GRIK4: variants seen among roughly 807,000 people sequenced by gnomAD.
GRIK4 encodes glutamate receptor ionotropic, kainate 4.
In GRIK4, 40 loss-of-function variants were observed where a neutral mutation model predicts 104.9. The observed-to-expected ratio is 0.38, with a 90% confidence interval of 0.30 to 0.50. The LOEUF (loss-of-function observed/expected upper bound fraction) is 0.50, where lower values mean the gene tolerates loss of function less well. GRIK4 is among the 20% of genes least tolerant of loss of function. The pLI, the probability that GRIK4 is intolerant of heterozygous loss-of-function variation, is 0.93. For synonymous variants in GRIK4, 485 were observed against 524.9 expected, an observed-to-expected ratio of 0.92 and a Z score of 1.04; for missense variants, 1,047 against 1,308.1, an observed-to-expected ratio of 0.80 and a Z score of 3.08.
chr11:120,593,706 C>T (rs1261544824), intron 1 of GRIK4, among the ~76,000 whole-genome samples: 3 of 152,184 alleles, frequency 2.0e-5, no homozygotes, highest in Non-Finnish European at 4.4e-5. Context: ...TCTAGCAGTT[C>T]CATCTATCTA....
intron 3 of GRIK4, among the ~76,000 whole-genome samples, chr11:120,725,517 G>A (rs561876057): frequency 1.3e-5 from 2 of 152,274 alleles, no homozygotes; most frequent in South Asian, 4.1e-4. Flanking sequence ...TTATACAGCA[G>A]GGAAGAAATG....
intron 1 of GRIK4, among the ~76,000 whole-genome samples, chr11:120,521,259 G>T (rs144646388): frequency 3.9e-5 from 6 of 152,012 alleles, no homozygotes; most frequent in Non-Finnish European, 7.4e-5. Flanking sequence ...TTTTTGTGGA[G>T]ATGGAGTCTC....
rs148183273 is a variant in GRIK4, at chr11:120,514,555, C to T, written c.-159+2668C>T. On this transcript the variant is annotated intron_variant, in intron 1 of 20. Transcript: ENST00000527524. ...TGCCTGTTCCTCAGTTCATCCCCTT[C>T]GCCCTCTCCAGTGATGGCTCACCGT... Among the ~76,000 whole-genome samples, 668 of 152,294 alleles carry T rather than the reference C, an allele frequency of 4.4e-3. 7 individuals carry two copies. The highest frequency in any genetic ancestry group is 0.014 in the African/African-American group (600 of 41,550).
At chr11:120,784,971 T>C (rs1366705384) in intron 3 of GRIK4, among the ~76,000 whole-genome samples, 1 of 152,152 alleles carries the variant, frequency 6.6e-6, no homozygotes, top group Non-Finnish European at 1.5e-5. Context: ...ATGAAGCTGA[T>C]CTGGGCTAGG....
chr11:120,775,199 C>CT (rs564709624), intron 3 of GRIK4, among the ~76,000 whole-genome samples: 1,567 of 152,310 alleles, frequency 0.01, 36 homozygotes, highest in African/African-American at 0.035. Flanking sequence ...TGCCTCTGGT[C>CT]TGCTGGCAAG....
At chr11:120,816,067 C>T (rs1952949752) in intron 5 of GRIK4, among the ~76,000 whole-genome samples, 1 of 152,106 alleles carries the variant, frequency 6.6e-6, no homozygotes, top group African/African-American at 2.4e-5. Context: ...GGAGGCTCTC[C>T]AGTTTCAAAG....
At chr11:120,931,796 C>T (rs747355310) in intron 13 of GRIK4, among the ~76,000 whole-genome samples, 40 of 152,180 alleles carry the variant, frequency 2.6e-4, no homozygotes, top group Admixed American at 2.0e-4. Context: ...AGGACATTCA[C>T]TGTAGAAAAT....
chr11:120,802,274 TC>T (rs1952634588), intron 3 of GRIK4, among the ~76,000 whole-genome samples: 1 of 152,114 alleles, frequency 6.6e-6, no homozygotes, highest in African/African-American at 2.4e-5. Context: ...CCTTTAACCC[TC>T]TCTCACCTCA....
At position 120,939,343 on chromosome 11, in the gene GRIK4, C is replaced by T. The variant is rs1172310414; in HGVS notation, c.1477-1004C>T. On this transcript the variant is annotated intron_variant, in intron 13 of 20. Coordinates refer to ENST00000527524, the MANE Select transcript of GRIK4 (RefSeq NM_014619.5). The surrounding 1 kb of genome is among the most constrained non-coding windows in gnomAD (Gnocchi z 5.6). The stretch of plus-strand genomic sequence containing the variant: ...TGGAGGCAAGGGGAAAGGAAGGAAG[C>T]CTTTATTGAACAAATGCTGGTTGTT... Among the ~76,000 whole-genome samples the T allele has an allele frequency of 6.6e-6, 1 of 152,158 alleles. No individual in the cohort carries two copies. The highest frequency in any genetic ancestry group is 1.9e-4 in the East Asian group (1 of 5,190).
chr11:120,806,961 T>C (rs970899058), intron 4 of GRIK4, among the ~76,000 whole-genome samples: 14 of 152,126 alleles, frequency 9.2e-5, no homozygotes, highest in Admixed American at 7.2e-4. Flanking sequence ...TTTCATATAA[T>C]GGGTTTATTT....
intron 13 of GRIK4, among the ~76,000 whole-genome samples, chr11:120,915,049 G>A (rs143281767): frequency 1.4e-3 from 220 of 152,260 alleles, no homozygotes; most frequent in African/African-American, 5.0e-3. Flanking sequence ...GGTTAAGGTC[G>A]TCCTGCTTCT....
intron 11 of GRIK4, among the ~76,000 whole-genome samples, chr11:120,892,743 G>A (rs908131211): frequency 1.3e-5 from 2 of 152,208 alleles, no homozygotes; most frequent in Non-Finnish European, 2.9e-5. Context: ...CACTCATTCA[G>A]TTGTACAGTC....
chr11:120,942,148 G>T (rs1943740480), intron 14 of GRIK4, among the ~76,000 whole-genome samples: 1 of 152,108 alleles, frequency 6.6e-6, no homozygotes. Flanking sequence ...TTCTCATTTG[G>T]TCCTCAAGAT....
At chr11:120,654,256 G>A (rs1949664929) in intron 2 of GRIK4, among the ~76,000 whole-genome samples, 1 of 152,196 alleles carries the variant, frequency 6.6e-6, no homozygotes, top group Non-Finnish European at 1.5e-5. Flanking sequence ...GCTTGGATAA[G>A]TTACTGAGCC....
intron 3 of GRIK4, among the ~76,000 whole-genome samples, chr11:120,718,175 G>C (rs1045587638): frequency 1.3e-5 from 2 of 152,002 alleles, no homozygotes; most frequent in Admixed American, 1.3e-4. Flanking sequence ...TCCTCACCAA[G>C]AGCAAAGACA....
At chr11:120,950,477 G>A (rs905119765) in intron 14 of GRIK4, among the ~76,000 whole-genome samples, 4 of 152,150 alleles carry the variant, frequency 2.6e-5, no homozygotes, top group Non-Finnish European at 5.9e-5. Flanking sequence ...CATCTAATGG[G>A]TTTTCAGATT....
intron 2 of GRIK4, among the ~76,000 whole-genome samples, chr11:120,655,707 C>T (rs550945656): frequency 1.4e-4 from 22 of 152,164 alleles, no homozygotes; most frequent in Admixed American, 1.3e-3. Flanking sequence ...TAGGAGGCAG[C>T]GCTGTCAGGA....
At chr11:120,937,565 A>G (rs1289859910) in intron 13 of GRIK4, among the ~76,000 whole-genome samples, 2 of 152,116 alleles carry the variant, frequency 1.3e-5, no homozygotes, top group Admixed American at 6.5e-5. Context: ...CCTTTCCCCC[A>G]GCGTCCTCTT....
At chr11:120,615,035 A>C (rs1949091928) in intron 1 of GRIK4, among the ~76,000 whole-genome samples, 3 of 152,178 alleles carry the variant, frequency 2.0e-5, no homozygotes, top group African/African-American at 7.2e-5. Context: ...CAAACAAACA[A>C]ACAAAAACCG....
Sources: allele counts gnomAD v4.1 joint callset (sites outside exome capture counted in the v4.1 genomes callset), GRCh38; gene constraint gnomAD v4.1.1; non-coding constraint Gnocchi (gnomAD v3.1); transcripts MANE v1.5; gene names NCBI Gene and HGNC (gene_info 2026-07-23, HGNC 2026-07-21).